The following GATM variants were observed in gnomAD, a reference collection of about 807,000 sequenced individuals.
The protein encoded by GATM is glycine amidinotransferase, also known as glycine amidinotransferase, mitochondrial.
GATM carries 23 observed loss-of-function variants against 54.2 expected under a neutral mutation model. That is an observed-to-expected ratio of 0.42 (90% CI 0.31 to 0.60). The LOEUF is 0.60. GATM is among the 20% of genes least tolerant of loss of function. The pLI is 0.14. For synonymous variants in GATM, 168 were observed against 183.1 expected (o/e 0.92, Z 0.67); for missense variants, 401 against 544.9 (o/e 0.74, Z 2.63).
chr15:45,391,036 C>A (rs1169974377), intron 3 of GATM, among the ~76,000 whole-genome samples: 2 of 152,150 alleles, frequency 1.3e-5, no homozygotes, highest in East Asian at 3.9e-4. Flanking sequence ...AACTAGTTAA[C>A]CTCAAGGTTC....
At chr15:45,391,790 C>A (rs1027456041) in intron 3 of GATM, among the ~76,000 whole-genome samples, 4 of 151,784 alleles carry the variant, frequency 2.6e-5, no homozygotes, top group Admixed American at 2.6e-4. Context: ...TTGTAGAAGG[C>A]AAAGAGAAAA....
intron 3 of GATM, among the ~76,000 whole-genome samples, chr15:45,394,232 A>G (rs527350454): frequency 1.3e-5 from 2 of 152,276 alleles, no homozygotes; most frequent in South Asian, 4.1e-4. Flanking sequence ...ATCTTACTAT[A>G]TACTGTGAAC....
chr15:45,377,068 A>C (rs1889651326), intron 1 of GATM: 4 of 520,310 alleles, frequency 7.7e-6, no homozygotes, highest in South Asian at 7.4e-5. Context: ...ACTCCTCAGA[A>C]GACCGTGTCC....
chr15:45,368,277 T>C lies in GATM; in HGVS notation c.485-17A>G. The stretch of plus-strand genomic sequence containing the variant: ...TGTATAAACCTGTCAGACCAAAAAA[T>C]TCCATGACAACTTCAGTAGTGTTAA... On this transcript the variant is annotated splice_polypyrimidine_tract_variant and intron_variant, in intron 3 of 8. Coordinates refer to ENST00000396659, the MANE Select transcript of GATM (RefSeq NM_001482.3). The surrounding 1 kb of genome is among the most constrained non-coding windows in gnomAD (Gnocchi z 5.1). 4 of 1,611,468 alleles carry C rather than the reference T, an allele frequency of 2.5e-6. No individual in the cohort carries two copies. The highest frequency in any genetic ancestry group is 3.4e-6 in the Non-Finnish European group (4 of 1,178,540).
At position 45,378,430 on chromosome 15, in the gene GATM, G is replaced by C; in HGVS notation, c.24C>G (p.Arg8=). 6.7e-7 allele frequency: 1 copy of C among 1,503,308 alleles called. No homozygotes were observed. The highest frequency in any genetic ancestry group is 8.8e-7 in the Non-Finnish European group (1 of 1,133,144). 93.1% of individuals were successfully genotyped at this position (1,503,308 alleles called of 1,614,324 possible). The change falls in exon 1 of 9, where the codon CGC becomes CGG. Residue 8 remains arginine (R), a synonymous_variant. Coordinates refer to ENST00000396659, the MANE Select transcript of GATM (RefSeq NM_001482.3). MLRVRCL[R]GGSRGAEAVH... ...CCGCCTCGGCGCCGCGGCTCCCGCCGCGCAGACACCGCACCCGCAGCATCG... is the reference window on the plus strand; with the variant it reads ...CCGCCTCGGCGCCGCGGCTCCCGCCCCGCAGACACCGCACCCGCAGCATCG...
intron 1 of GATM, chr15:45,377,712 A>C (rs911870531): frequency 6.1e-6 from 1 of 164,908 alleles, no homozygotes; most frequent in Non-Finnish European, 1.3e-5. Flanking sequence ...GCTGGGAGGA[A>C]GCCAGAATGT....
intron 2 of GATM, among the ~76,000 whole-genome samples, chr15:45,374,556 T>C (rs1889595776): frequency 1.3e-5 from 2 of 152,216 alleles, no homozygotes; most frequent in South Asian, 2.1e-4. Context: ...CCAAAGATAG[T>C]TTCAGAACAA....
At chr15:45,367,852 C>A (rs909066347) in intron 4 of GATM, among the ~76,000 whole-genome samples, 1 of 152,204 alleles carries the variant, frequency 6.6e-6, no homozygotes, top group Non-Finnish European at 1.5e-5. Flanking sequence ...GGACCCAGAA[C>A]AAGGTAAGCA....
intron 3 of GATM, among the ~76,000 whole-genome samples, chr15:45,386,085 C>T (rs1236644990): frequency 6.6e-6 from 1 of 152,160 alleles, no homozygotes. Flanking sequence ...TCAATTTGGC[C>T]TCTACATCCA....
intron 2 of GATM, among the ~76,000 whole-genome samples, chr15:45,374,367 T>C (rs1434957079): frequency 6.6e-6 from 1 of 152,220 alleles, no homozygotes; most frequent in African/African-American, 2.4e-5. Context: ...TGAAAGTCTA[T>C]CATTTTAAAG....
chr15:45,385,373 TTGAA>T (rs1566844928), intron 3 of GATM, among the ~76,000 whole-genome samples: 1 of 152,220 alleles, frequency 6.6e-6, no homozygotes, highest in African/African-American at 2.4e-5. Context: ...AAGAAACAGA[TTGAA>T]TGACCAACAA....
intron 3 of GATM, among the ~76,000 whole-genome samples, chr15:45,384,681 T>C (rs1029465293): frequency 2.6e-5 from 4 of 152,124 alleles, no homozygotes; most frequent in Non-Finnish European, 5.9e-5. Flanking sequence ...AGCTGTGCCT[T>C]ACATTTCCCC....
upstream of GATM, chr15:45,378,674 C>A (rs1461410510): frequency 7.5e-6 from 3 of 398,030 alleles, no homozygotes; most frequent in Non-Finnish European, 1.3e-5. Flanking sequence ...TGTCGGGAAG[C>A]GCCGCGGCCG....
chr15:45,378,313 G>A (rs1343396650), intron 1 of GATM, 72 bp downstream of exon 1: 3 of 1,230,184 alleles, frequency 2.4e-6, no homozygotes, highest in Non-Finnish European at 2.2e-6. Flanking sequence ...CAGGGAGCGA[G>A]CGAGTGCTCC....
At chr15:45,363,845 T>C in intron 8 of GATM, 55 bp downstream of exon 8, 1 of 1,054,594 alleles carries the variant, frequency 9.5e-7, no homozygotes, top group Non-Finnish European at 1.5e-6. Context: ...ATTTCTTTAG[T>C]TCTTCTCATT....
At chr15:45,372,427 C>G (rs1314340990) in intron 2 of GATM, among the ~76,000 whole-genome samples, 2 of 152,142 alleles carry the variant, frequency 1.3e-5, no homozygotes, top group Admixed American at 6.5e-5. Context: ...GCTACCCTTT[C>G]AAAAAACAAA....
At chr15:45,388,247 C>A (rs1360514364) in intron 3 of GATM, among the ~76,000 whole-genome samples, 1 of 152,182 alleles carries the variant, frequency 6.6e-6, no homozygotes, top group East Asian at 1.9e-4. Context: ...AAATAATTTT[C>A]ATGAGTTTGT....
intron 5 of GATM, 23 bp from the exon 6 acceptor site, chr15:45,366,233 C>G (rs371808484): frequency 1.2e-6 from 2 of 1,613,112 alleles, no homozygotes; most frequent in Non-Finnish European, 1.7e-6. Context: ...GAAAGACATA[C>G]GATCGATAAA....
chr15:45,382,388 G>A (rs1248066381), upstream of GATM, among the ~76,000 whole-genome samples: 21 of 152,194 alleles, frequency 1.4e-4, no homozygotes, highest in Non-Finnish European at 2.9e-5. Flanking sequence ...TCTGCTGGGT[G>A]TGGTGGTTCA....
Sources: gnomAD v4.1 joint callset for allele counts (sites outside exome capture counted in the v4.1 genomes callset) on GRCh38, gnomAD v4.1.1 for gene constraint, Gnocchi (gnomAD v3.1) non-coding constraint, MANE v1.5 for transcripts, NCBI Gene and HGNC (gene_info 2026-07-23, HGNC 2026-07-21) for gene names.